PCDHGA8: variants seen among roughly 807,000 people sequenced by gnomAD.
The protein encoded by PCDHGA8 is protocadherin gamma subfamily A, 8.
In PCDHGA8, 45 loss-of-function variants were observed where a neutral mutation model predicts 59.2. The ratio of observed to expected loss-of-function variants is 0.76; its 90% CI spans 0.60 to 0.98. The LOEUF (loss-of-function observed/expected upper bound fraction) is 0.98, where lower values mean the gene tolerates loss of function less well. Ranked by LOEUF, PCDHGA8 falls within the 50% of genes least tolerant of loss-of-function variation. PCDHGA8 has a pLI of 0.00. For synonymous variants in PCDHGA8, 531 were observed against 519.0 expected, an observed-to-expected ratio of 1.02 and a Z score of -0.32; for missense variants, 1,257 against 1,196.2, an observed-to-expected ratio of 1.05 and a Z score of -0.75.
intron 1 of PCDHGA8, among the ~76,000 whole-genome samples, chr5:141,425,629 C>G (rs1297803997): frequency 1.3e-5 from 2 of 152,162 alleles, no homozygotes; most frequent in Admixed American, 1.3e-4. Flanking sequence ...CTCCAGTTTT[C>G]TCTGATAAAA....
At position 141,490,785 on chromosome 5, in the gene PCDHGA8, G is replaced by A. The variant is rs1021708826; in HGVS notation, c.2425-4022G>A. 1.2e-6 allele frequency: 2 copies of A among 1,614,066 alleles called. No individual in the cohort carries two copies. Among genetic ancestry groups the A allele is most frequent in the Non-Finnish European group, 1.7e-6 (2 of 1,179,952 alleles). On this transcript the variant is annotated intron_variant, in intron 1 of 3. Coordinates refer to ENST00000398604, the MANE Select transcript of PCDHGA8 (RefSeq NM_032088.2). The surrounding 1 kb of genome is among the most constrained non-coding windows in gnomAD (Gnocchi z 5.4). ...TGTATGTCAACCCAGAGGATGGACG[G>A]ATCTTTGCCCAGCGTACCTTTGACT...
chr5:141,494,528 G>A lies in PCDHGA8; in HGVS notation c.2425-279G>A, dbSNP rs189993899. On this transcript the variant is annotated intron_variant, in intron 1 of 3. Coordinates refer to ENST00000398604, the MANE Select transcript of PCDHGA8 (RefSeq NM_032088.2). ...ATTTTGGCTCAGGAGTTCTGACTCTGGGGGCAGGGAGGAAGGGGCCATTTC... is the reference window on the plus strand; with the variant it reads ...ATTTTGGCTCAGGAGTTCTGACTCTAGGGGCAGGGAGGAAGGGGCCATTTC... 3.0e-4 allele frequency among the ~76,000 whole-genome samples: 45 copies of A among 152,274 alleles called. 1 individual carries two copies. Among genetic ancestry groups the A allele is most frequent in the African/African-American group, 1.0e-3 (42 of 41,542 alleles).
intron 1 of PCDHGA8, among the ~76,000 whole-genome samples, chr5:141,462,030 T>C (rs1283795051): frequency 3.9e-5 from 6 of 152,122 alleles, no homozygotes; most frequent in Non-Finnish European, 8.8e-5. Flanking sequence ...TTCATGTTGG[T>C]CAGGCGGGTC....
In PCDHGA8 at chr5:141,490,084, G is replaced by A. The variant is rs772917260; in HGVS notation, c.2425-4723G>A. The A allele has an allele frequency of 4.3e-6, 7 of 1,614,104 alleles. No individual in the cohort carries two copies. ...CAACGGCCAACTAGACTATTCTTTT[G>A]GAGACCACACATCTGAGGCAGTGCG... On this transcript the variant is annotated intron_variant, in intron 1 of 3. Transcript: ENST00000398604. The surrounding 1 kb of genome is among the most constrained non-coding windows in gnomAD (Gnocchi z 5.4).
chr5:141,485,247 G>T lies in PCDHGA8; in HGVS notation c.2425-9560G>T. On this transcript the variant is annotated intron_variant, in intron 1 of 3. Coordinates refer to ENST00000398604, the MANE Select transcript of PCDHGA8 (RefSeq NM_032088.2). The surrounding 1 kb of genome is among the most constrained non-coding windows in gnomAD (Gnocchi z 5.7). ...CTTTTGTTCCTCTTTTACCACCTGG[G>T]TTACGTTTGTGGGCAGATCCGCTAC... The T allele has an allele frequency of 2.5e-6, 4 of 1,614,156 alleles. No individual in the cohort carries two copies. The highest frequency in any genetic ancestry group is 3.4e-6 in the Non-Finnish European group (4 of 1,180,010).
In PCDHGA8 at chr5:141,477,101, G is replaced by A. The variant is rs770640663; in HGVS notation, c.2425-17706G>A. On this transcript the variant is annotated intron_variant, in intron 1 of 3. Transcript: ENST00000398604. The surrounding 1 kb of genome is among the most constrained non-coding windows in gnomAD (Gnocchi z 4.9). ...TTACATCCAGGCCAAAGACAAGGGC[G>A]CCAATCCCGAAGGAGCACATTGCAA... 2 of 1,614,262 alleles carry A rather than the reference G, an allele frequency of 1.2e-6. No individual in the cohort carries two copies. Among genetic ancestry groups the A allele is most frequent in the East Asian group, 2.2e-5 (1 of 44,884 alleles).
At chr5:141,417,997 G>T in intron 1 of PCDHGA8, 1 of 1,613,872 alleles carries the variant, frequency 6.2e-7, no homozygotes, top group Non-Finnish European at 8.5e-7. Context: ...AGGGCTCGGT[G>T]GTGGGGAACC....
intron 1 of PCDHGA8, among the ~76,000 whole-genome samples, chr5:141,472,310 G>A (rs2099276586): frequency 6.6e-6 from 1 of 152,040 alleles, no homozygotes; most frequent in Non-Finnish European, 1.5e-5. Flanking sequence ...GGGAAGCCGA[G>A]GCAGGCAGAT....
chr5:141,423,513 G>A, intron 1 of PCDHGA8: 2 of 1,613,750 alleles, frequency 1.2e-6, no homozygotes. Context: ...CTCTCATTGC[G>A]GACTCGCAGA....
At position 141,432,749 on chromosome 5, in the gene PCDHGA8, G is replaced by A; in HGVS notation, c.2424+37512G>A. 6.8e-6 allele frequency: 11 copies of A among 1,614,106 alleles called. No homozygotes were observed. The highest frequency in any genetic ancestry group is 9.3e-6 in the Non-Finnish European group (11 of 1,179,980). On this transcript the variant is annotated intron_variant, in intron 1 of 3. Coordinates refer to ENST00000398604, the MANE Select transcript of PCDHGA8 (RefSeq NM_032088.2). The surrounding 1 kb of genome is among the most constrained non-coding windows in gnomAD (Gnocchi z 6.0). ...CGCCACTGTCACGCTCACCGTGGCCGTGGCCGACAGCATCCCCCAAGTCCT... is the reference window on the plus strand; with the variant it reads ...CGCCACTGTCACGCTCACCGTGGCCATGGCCGACAGCATCCCCCAAGTCCT...
At chr5:141,445,268 C>A (rs2098461653) in intron 1 of PCDHGA8, among the ~76,000 whole-genome samples, 1 of 152,170 alleles carries the variant, frequency 6.6e-6, no homozygotes, top group Non-Finnish European at 1.5e-5. Flanking sequence ...TAAGTCGAAA[C>A]CACTCTGCAT....
intron 1 of PCDHGA8, chr5:141,418,374 T>C: frequency 1.2e-6 from 2 of 1,613,968 alleles, no homozygotes; most frequent in Non-Finnish European, 1.7e-6. Flanking sequence ...AAATACCAAC[T>C]AAGTCCTAAC....
At chr5:141,424,715 G>A (rs1299933373) in intron 1 of PCDHGA8, 1 of 152,132 alleles carries the variant, frequency 6.6e-6, no homozygotes, top group Admixed American at 6.6e-5. Flanking sequence ...TTTCAGTGTA[G>A]TTGGGAGTCA....
At chr5:141,423,384 C>T in intron 1 of PCDHGA8, 1 of 1,614,172 alleles carries the variant, frequency 6.2e-7, no homozygotes. Flanking sequence ...GGCTGTGGCG[C>T]TGGCATAAGT....
At chr5:141,401,805 G>C (rs1307812903) in intron 1 of PCDHGA8, among the ~76,000 whole-genome samples, 1 of 152,132 alleles carries the variant, frequency 6.6e-6, no homozygotes, top group Non-Finnish European at 1.5e-5. Context: ...TTCAGTAAAT[G>C]GGTTCCTTAC....
Position 141,487,165 on chromosome 5 carries a change from C to T in PCDHGA8, c.2425-7642C>T, listed in dbSNP as rs1014219030. The T allele has an allele frequency of 1.9e-6, 3 of 1,612,932 alleles. No homozygotes were observed. The highest frequency in any genetic ancestry group is 2.5e-6 in the Non-Finnish European group (3 of 1,178,918). On this transcript the variant is annotated intron_variant, in intron 1 of 3. Coordinates refer to ENST00000398604, the MANE Select transcript of PCDHGA8 (RefSeq NM_032088.2). The surrounding 1 kb of genome is among the most constrained non-coding windows in gnomAD (Gnocchi z 5.0). ...CTACCTCTGTTACTCTCTTAGTGTC[C>T]TTAGAGGAAGACACTCATCCAGTTG...
chr5:141,392,931 G>T lies in PCDHGA8; in HGVS notation c.118G>T (p.Asp40Tyr). ...TCGCTACTCTGTGCCAGAAGAGACG[G>T]ACAAAGGCTCCTTCGTGGGTAATAT... Reference protein sequence around the residue: ...QIRYSVPEETDKGSFVGNISK... With the variant: ...QIRYSVPEETYKGSFVGNISK... Residue 40 changes from aspartate to tyrosine, a missense_variant, in exon 1 of 4, where the codon GAC (aspartate) becomes TAC (tyrosine). Coordinates refer to ENST00000398604, the MANE Select transcript of PCDHGA8 (RefSeq NM_032088.2). 1 of 1,613,920 alleles carries T rather than the reference G, an allele frequency of 6.2e-7. No individual in the cohort carries two copies. The highest frequency in any genetic ancestry group is 8.5e-7 in the Non-Finnish European group (1 of 1,179,890).
rs777247531 is a variant in PCDHGA8 at position 141,476,417 on chromosome 5, C to T, written c.2425-18390C>T. 3 of 1,614,112 alleles carry T rather than the reference C, an allele frequency of 1.9e-6. No homozygotes were observed. Among genetic ancestry groups the T allele is most frequent in the Admixed American group, 1.7e-5 (1 of 60,018 alleles). The stretch of plus-strand genomic sequence containing the variant: ...GGATCGAGAGGAGCTGTGTGGGACA[C>T]TGCCCTCTTGCACTGTAACTCTGGA... On this transcript the variant is annotated intron_variant, in intron 1 of 3. Coordinates refer to ENST00000398604, the MANE Select transcript of PCDHGA8 (RefSeq NM_032088.2). The surrounding 1 kb of genome is among the most constrained non-coding windows in gnomAD (Gnocchi z 7.6).
chr5:141,408,824 C>T, intron 1 of PCDHGA8: 1 of 1,613,560 alleles, frequency 6.2e-7, no homozygotes, highest in South Asian at 1.1e-5. Context: ...ACAGAGATCT[C>T]ATAGCTTGAT....
Sources: allele counts gnomAD v4.1 joint callset (sites outside exome capture counted in the v4.1 genomes callset), GRCh38; gene constraint gnomAD v4.1.1; non-coding constraint Gnocchi (gnomAD v3.1); transcripts MANE v1.5; gene names NCBI Gene and HGNC (gene_info 2026-07-23, HGNC 2026-07-21).